Variants in RABGEF1 observed in about 807,000 individuals in gnomAD.
The protein encoded by RABGEF1 is rab5 GDP/GTP exchange factor.
Under a neutral mutation model 57.3 loss-of-function variants are expected in RABGEF1, and 26 were observed. That is an observed-to-expected ratio of 0.45 (90% CI 0.33 to 0.63). The LOEUF is 0.63. Ranked by LOEUF, RABGEF1 falls within the 20% of genes least tolerant of loss-of-function variation. The pLI is 0.02. For synonymous variants in RABGEF1, 185 were observed against 210.7 expected (o/e 0.88, Z 1.06); for missense variants, 464 against 607.6 (o/e 0.76, Z 2.48).
At chr7:66,760,599 A>G (rs1319997724) in intron 1 of RABGEF1, among the ~76,000 whole-genome samples, 1 of 151,972 alleles carries the variant, frequency 6.6e-6, no homozygotes, top group Non-Finnish European at 1.5e-5. Context: ...GCATGCCATC[A>G]TGCCCGGCTA....
upstream of RABGEF1, among the ~76,000 whole-genome samples, chr7:66,681,234 G>A (rs1280541155): frequency 6.6e-6 from 1 of 152,112 alleles, no homozygotes; most frequent in Admixed American, 6.5e-5. Flanking sequence ...TTTCACCATA[G>A]ATGGCATCCA....
intron 7 of RABGEF1, among the ~76,000 whole-genome samples, chr7:66,801,532 C>G (rs1584259681): frequency 6.6e-6 from 1 of 152,334 alleles, no homozygotes; most frequent in East Asian, 1.9e-4. Flanking sequence ...CACTATCCCC[C>G]ATGCCCTGCA....
intron 6 of RABGEF1, among the ~76,000 whole-genome samples, chr7:66,798,918 G>T (rs1207925931): frequency 2.0e-5 from 3 of 152,084 alleles, no homozygotes; most frequent in Non-Finnish European, 4.4e-5. Context: ...GCCAAGATTG[G>T]CACTCCAGCC....
chr7:66,738,416 C>T (rs1798298619), upstream of RABGEF1, among the ~76,000 whole-genome samples: 1 of 152,166 alleles, frequency 6.6e-6, no homozygotes, highest in Non-Finnish European at 1.5e-5. Flanking sequence ...GCACCAACCT[C>T]TTCTGCTCAG....
At chr7:66,670,924 C>CACACAT in the RABGEF1 span, among the ~76,000 whole-genome samples, 1 of 151,252 alleles carries the variant, frequency 6.6e-6, no homozygotes, top group Non-Finnish European at 1.5e-5. Context: ...CACACACACA[C>CACACAT]ATATGTGCTC....
chr7:66,792,904 G>A (rs1376075587), intron 4 of RABGEF1, among the ~76,000 whole-genome samples: 2 of 152,224 alleles, frequency 1.3e-5, no homozygotes, highest in Non-Finnish European at 2.9e-5. Context: ...GTAACATAGT[G>A]TTAAGTCCTA....
the RABGEF1 span, among the ~76,000 whole-genome samples, chr7:66,656,028 T>C: frequency 1.2e-4 from 18 of 152,318 alleles, no homozygotes; most frequent in African/African-American, 4.3e-4. Flanking sequence ...ACTTTCTGCA[T>C]GTGTCTTGAA....
chr7:66,772,222 C>G (rs1361170861), intron 2 of RABGEF1, 144 bp downstream of exon 2: 1 of 567,840 alleles, frequency 1.8e-6, no homozygotes, highest in Non-Finnish European at 2.7e-6. Flanking sequence ...TTCCTCTCTT[C>G]TTCTCAGTCA....
At chr7:66,789,081 T>C (rs1442683915) in intron 4 of RABGEF1, among the ~76,000 whole-genome samples, 1 of 152,218 alleles carries the variant, frequency 6.6e-6, no homozygotes, top group African/African-American at 2.4e-5. Flanking sequence ...CCCATGTTCT[T>C]TCCCAGAACA....
intron 1 of RABGEF1, among the ~76,000 whole-genome samples, chr7:66,684,926 T>C (rs952543365): frequency 6.6e-6 from 1 of 152,028 alleles, no homozygotes; most frequent in Admixed American, 6.6e-5. Flanking sequence ...TGAGCCACTG[T>C]ATCTGGCCTA....
the RABGEF1 span, among the ~76,000 whole-genome samples, chr7:66,675,850 C>G: frequency 6.6e-6 from 1 of 152,060 alleles, no homozygotes. Flanking sequence ...GTATAAAATA[C>G]TTTAGGGTAA....
chr7:66,754,193 G>A (rs1205941708), intron 1 of RABGEF1, among the ~76,000 whole-genome samples: 1 of 151,214 alleles, frequency 6.6e-6, no homozygotes, highest in African/African-American at 2.4e-5. Flanking sequence ...TAGTAGAGAC[G>A]GGGTTTCACT....
intron 1 of RABGEF1, among the ~76,000 whole-genome samples, chr7:66,743,353 CTCTCCCTG>C (rs966140536): frequency 4.6e-5 from 7 of 151,200 alleles, no homozygotes; most frequent in Non-Finnish European, 1.0e-4. Context: ...GGCTCTCTCT[CTCTCCCTG>C]TCTCCCAGGC....
intron 1 of RABGEF1, among the ~76,000 whole-genome samples, chr7:66,766,643 T>G (rs1056572422): frequency 4.6e-5 from 7 of 152,166 alleles, no homozygotes; most frequent in African/African-American, 1.7e-4. Flanking sequence ...TCTCATTAAA[T>G]AACTATTAAA....
chr7:66,718,314 T>C (rs1280329276), intron 2 of RABGEF1, among the ~76,000 whole-genome samples: 1 of 152,160 alleles, frequency 6.6e-6, no homozygotes, highest in Non-Finnish European at 1.5e-5. Context: ...CACTGCACAC[T>C]CCAGCCTGGG....
intron 4 of RABGEF1, among the ~76,000 whole-genome samples, 181 bp downstream of exon 4, chr7:66,784,022 T>C (rs1363773731): frequency 3.9e-5 from 6 of 152,206 alleles, no homozygotes; most frequent in Admixed American, 1.3e-4. Context: ...CTAGTACTTT[T>C]CCACTGCAAC....
At position 66,795,538 on chromosome 7, in the gene RABGEF1, T is replaced by C. The variant is rs757288814; in HGVS notation, c.541T>C (p.Cys181Arg). The C allele has an allele frequency of 1.5e-5, 24 of 1,612,192 alleles. No homozygotes were observed. The highest frequency in any genetic ancestry group is 1.9e-5 in the Non-Finnish European group (22 of 1,178,384). The part of the protein sequence containing the change: ...RDLSIEEQSE[C>R]AQDFYHNVAE... The stretch of plus-strand genomic sequence containing the variant: ...TCTAAGCATTGAAGAACAGTCAGAG[T>C]GTGCTCAGGATTTCTACCACAATGT... The change falls in exon 5 of 9, where the codon TGT becomes CGT. Residue 181 changes from cysteine (C) to arginine (R), a missense_variant. This residue lies in a region of RABGEF1 where 284 missense variants were observed against 389.9 expected (regional missense o/e 0.73). Coordinates refer to ENST00000284957, the MANE Select transcript of RABGEF1 (RefSeq NM_014504.3).
chr7:66,767,564 C>T (rs1434917113), intron 1 of RABGEF1, among the ~76,000 whole-genome samples: 1 of 152,158 alleles, frequency 6.6e-6, no homozygotes, highest in African/African-American at 2.4e-5. Flanking sequence ...CCCCCAAATT[C>T]ATATGTTGAA....
chr7:66,672,283 T>C, the RABGEF1 span, among the ~76,000 whole-genome samples: 1 of 137,040 alleles, frequency 7.3e-6, no homozygotes, highest in African/African-American at 2.7e-5. Flanking sequence ...AAAAAAAAAA[T>C]TAGCCGGGCG....
Sources: allele counts gnomAD v4.1 joint callset (sites outside exome capture counted in the v4.1 genomes callset), GRCh38; gene constraint gnomAD v4.1.1; regional missense constraint gnomAD v4.1.1; transcripts MANE v1.5; gene names NCBI Gene and HGNC (gene_info 2026-07-23, HGNC 2026-07-21).